Variants in PAX7 observed in about 807,000 individuals in gnomAD.
The protein encoded by PAX7 is paired box 7.
A neutral mutation model predicts 50.7 loss-of-function variants in PAX7; 18 were observed. The ratio of observed to expected loss-of-function variants is 0.36; its 90% CI spans 0.25 to 0.53. The LOEUF is 0.53. Ranked by LOEUF, PAX7 falls within the 20% of genes least tolerant of loss-of-function variation. PAX7 has a pLI of 0.93. For missense variants in PAX7, 644 were observed against 702.9 expected (o/e 0.92, Z 0.95); for synonymous variants, 310 against 290.4 (o/e 1.07, Z -0.69).
intron 4 of PAX7, among the ~76,000 whole-genome samples, chr1:18,658,046 CA>C (rs1363371898): frequency 1.3e-5 from 2 of 152,198 alleles, no homozygotes; most frequent in Non-Finnish European, 2.9e-5. Context: ...AGCCAGACAA[CA>C]GCTTGTTAAA....
At chr1:18,648,937 C>T (rs2088389935) in intron 4 of PAX7, among the ~76,000 whole-genome samples, 1 of 152,068 alleles carries the variant, frequency 6.6e-6, no homozygotes, top group Non-Finnish European at 1.5e-5. Flanking sequence ...GAGGACTGCC[C>T]CAGCTGGAGG....
At chr1:18,643,371 G>C (rs1343594832) in intron 4 of PAX7, among the ~76,000 whole-genome samples, 1 of 152,242 alleles carries the variant, frequency 6.6e-6, no homozygotes, top group African/African-American at 2.4e-5. Context: ...GAGGGGTGGG[G>C]AGAGGCAGCG....
intron 5 of PAX7, among the ~76,000 whole-genome samples, chr1:18,693,976 G>C (rs552854795): frequency 3.3e-5 from 5 of 152,334 alleles, no homozygotes; most frequent in East Asian, 1.9e-4. Context: ...GCCATCCTGA[G>C]GGGGCGGGGC....
intron 4 of PAX7, among the ~76,000 whole-genome samples, chr1:18,678,759 G>A (rs1375297767): frequency 6.6e-6 from 1 of 151,630 alleles, no homozygotes; most frequent in Non-Finnish European, 1.5e-5. Flanking sequence ...GGAGGATGGT[G>A]GGGTTAGACA....
Position 18,631,010 on chromosome 1 carries a change from G to C in PAX7, c.-594G>C, listed in dbSNP as rs1211661101. 2 of 225,384 alleles carry C rather than the reference G, an allele frequency of 8.9e-6. No homozygotes were observed. Among genetic ancestry groups the C allele is most frequent in the Non-Finnish European group, 8.9e-6 (1 of 112,984 alleles). The allele number at this position is 225,384 out of a possible 1,614,324, so 14.0% of individuals were successfully genotyped here. A position where few individuals can be genotyped will look rare whatever the true frequency, so the allele number is the denominator to read the frequency against. ...TCTCCTAGGGGACGGGGCTGTGAAA[G>C]CTGGTGTGGAGGGAGAAGCGAGTGT... On this transcript the variant is annotated 5_prime_UTR_variant, in exon 1 of 9. Transcript: ENST00000420770.
intron 4 of PAX7, among the ~76,000 whole-genome samples, chr1:18,650,901 G>A (rs1288575967): frequency 1.3e-5 from 2 of 152,116 alleles, no homozygotes; most frequent in Non-Finnish European, 2.9e-5. Context: ...GGAACAATGG[G>A]GCTGGCAGGG....
At chr1:18,730,695 C>T (rs2089634989) in intron 7 of PAX7, among the ~76,000 whole-genome samples, 1 of 152,176 alleles carries the variant, frequency 6.6e-6, no homozygotes, top group African/African-American at 2.4e-5. Flanking sequence ...GAACTAATTA[C>T]ATTTTTCCCA....
chr1:18,698,694 C>G (rs911947693), intron 5 of PAX7, among the ~76,000 whole-genome samples: 1 of 152,200 alleles, frequency 6.6e-6, no homozygotes, highest in South Asian at 2.1e-4. Flanking sequence ...CAGGGTGCCC[C>G]GGGGAAACCC....
At chr1:18,683,610 C>T (rs528013933) in intron 4 of PAX7, among the ~76,000 whole-genome samples, 19 of 152,228 alleles carry the variant, frequency 1.2e-4, no homozygotes, top group Admixed American at 3.3e-4. Context: ...GAGGCTGAGG[C>T]GGATGGATCA....
Position 18,735,838 on chromosome 1 carries a change from G to A in PAX7, c.1362G>A (p.Val454=), listed in dbSNP as rs767551168. The A allele has an allele frequency of 4.3e-6, 7 of 1,614,042 alleles. No homozygotes were observed. Among genetic ancestry groups the A allele is most frequent in the South Asian group, 3.3e-5 (3 of 91,076 alleles). The stretch of plus-strand genomic sequence containing the variant: ...CCTACAGCACCACCGGCTACAGCGT[G>A]GACCCCGTGGCCGGCTATCAGTACG... ...PPTYSTTGYS[V]DPVAGYQYGQ... is the part of the protein sequence containing the mutation. The change falls in exon 8 of 9, where the codon GTG becomes GTA. Residue 454 remains valine (V), a synonymous_variant. Transcript: ENST00000420770. The surrounding 1 kb of genome is among the most constrained non-coding windows in gnomAD (Gnocchi z 4.0).
chr1:18,641,783 T>C (rs1472732631), intron 4 of PAX7, among the ~76,000 whole-genome samples: 1 of 152,182 alleles, frequency 6.6e-6, no homozygotes, highest in Non-Finnish European at 1.5e-5. Flanking sequence ...GGAAGTTATT[T>C]AGATATTAAT....
chr1:18,633,345 C>A (rs1005959306), intron 1 of PAX7, among the ~76,000 whole-genome samples: 3 of 145,634 alleles, frequency 2.1e-5, no homozygotes, highest in Non-Finnish European at 4.7e-5. Context: ...GCTGGGTGTC[C>A]CCCCAATCTT....
At chr1:18,659,004 C>T (rs550390639) in intron 4 of PAX7, among the ~76,000 whole-genome samples, 2 of 152,034 alleles carry the variant, frequency 1.3e-5, no homozygotes, top group African/African-American at 4.8e-5. Flanking sequence ...TGTGTGCATG[C>T]ATGTGTAATG....
chr1:18,702,593 C>T (rs1196513244), intron 6 of PAX7, among the ~76,000 whole-genome samples: 4 of 152,148 alleles, frequency 2.6e-5, no homozygotes, highest in Admixed American at 2.0e-4. Flanking sequence ...CATTCAAATC[C>T]TGGTCCCATC....
At chr1:18,679,461 C>T (rs866763117) in intron 4 of PAX7, among the ~76,000 whole-genome samples, 6 of 152,314 alleles carry the variant, frequency 3.9e-5, no homozygotes, top group African/African-American at 1.2e-4. Context: ...CCTTTCCATG[C>T]CGGGCAGCTT....
chr1:18,698,294 C>CAT (rs1265199266), intron 5 of PAX7, among the ~76,000 whole-genome samples: 7 of 152,036 alleles, frequency 4.6e-5, no homozygotes, highest in Non-Finnish European at 1.0e-4. Flanking sequence ...CACACACACA[C>CAT]ACACACACTA....
At chr1:18,684,899 G>A (rs1328472721) in intron 4 of PAX7, among the ~76,000 whole-genome samples, 3 of 152,120 alleles carry the variant, frequency 2.0e-5, no homozygotes, top group Non-Finnish European at 4.4e-5. Flanking sequence ...GGCCACTGCC[G>A]GCCTCCACTG....
intron 8 of PAX7, among the ~76,000 whole-genome samples, chr1:18,736,434 C>T (rs932649850): frequency 5.1e-5 from 7 of 138,554 alleles, no homozygotes; most frequent in Non-Finnish European, 1.1e-4. Flanking sequence ...CACTGTACTC[C>T]AGCCTGTGTG....
chr1:18,711,682 G>GCT lies in PAX7; in HGVS notation c.1155+8387_1155+8388dup, dbSNP rs375708107. ...CTTGACTCAAGTTGGCAGGGCATGG[G>GCT]CTGAGTGGTTTTTCCCAGGATTAGG... On this transcript the variant is annotated intron_variant, in intron 7 of 8. Transcript: ENST00000420770. 6.1e-3 allele frequency among the ~76,000 whole-genome samples: 930 copies of GCT among 152,250 alleles called. 10 individuals are homozygous for GCT. The highest frequency in any genetic ancestry group is 0.021 in the African/African-American group (873 of 41,528).
Sources: allele counts gnomAD v4.1 joint callset (sites outside exome capture counted in the v4.1 genomes callset), GRCh38; gene constraint gnomAD v4.1.1; non-coding constraint Gnocchi (gnomAD v3.1); transcripts MANE v1.5; gene names NCBI Gene and HGNC (gene_info 2026-07-23, HGNC 2026-07-21).